The following MAF variants were observed in gnomAD, a reference collection of about 807,000 sequenced individuals.
MAF encodes transcription factor Maf.
A neutral mutation model predicts 22.0 loss-of-function variants in MAF; 10 were observed. The ratio of observed to expected loss-of-function variants is 0.45; its 90% CI spans 0.28 to 0.77. The LOEUF (loss-of-function observed/expected upper bound fraction) is 0.77. Among genes scored for constraint, MAF ranks in the 30% least tolerant of loss-of-function variants. The pLI is 0.12. For synonymous variants in MAF, 337 were observed against 255.8 expected, an observed-to-expected ratio of 1.32 and a Z score of -3.03; for missense variants, 544 against 548.4, an observed-to-expected ratio of 0.99 and a Z score of 0.08.
the MAF span, among the ~76,000 whole-genome samples, chr16:79,384,545 C>T: frequency 6.6e-6 from 1 of 151,528 alleles, no homozygotes; most frequent in Non-Finnish European, 1.5e-5. Flanking sequence ...ATCACAAGGT[C>T]AGGAGATTGA....
chr16:79,344,408 T>A, the MAF span, among the ~76,000 whole-genome samples: 1 of 152,232 alleles, frequency 6.6e-6, no homozygotes, highest in South Asian at 2.1e-4. Context: ...TAAGCATATA[T>A]CTAATTGTCC....
the MAF span, among the ~76,000 whole-genome samples, chr16:79,317,518 C>T: frequency 2.0e-5 from 3 of 150,204 alleles, no homozygotes; most frequent in Non-Finnish European, 4.4e-5. Context: ...TGCCTCCCTC[C>T]CTCCCTCTCT....
chr16:79,496,672 T>G, the MAF span, among the ~76,000 whole-genome samples: 22 of 152,188 alleles, frequency 1.4e-4, no homozygotes, highest in African/African-American at 5.3e-4. Flanking sequence ...ATTCTTCTCT[T>G]CATAATGCAG....
At chr16:79,491,129 G>T in the MAF span, among the ~76,000 whole-genome samples, 3 of 152,162 alleles carry the variant, frequency 2.0e-5, no homozygotes, top group African/African-American at 4.8e-5. Flanking sequence ...ATAGGATGGG[G>T]TTATTGAGAC....
At chr16:79,584,895 G>T (rs747273757), downstream of MAF, among the ~76,000 whole-genome samples, 2 of 152,158 alleles carry the variant, frequency 1.3e-5, no homozygotes, top group African/African-American at 2.4e-5. Flanking sequence ...TTTTTAAAAA[G>T]TGGGAAAAAA....
chr16:79,370,417 C>G, the MAF span, among the ~76,000 whole-genome samples: 2 of 152,176 alleles, frequency 1.3e-5, no homozygotes, highest in African/African-American at 2.4e-5. Context: ...TCTGGACTCA[C>G]AGAGGTTCTG....
chr16:79,219,842 A>C, the MAF span, among the ~76,000 whole-genome samples: 18 of 152,116 alleles, frequency 1.2e-4, no homozygotes, highest in Non-Finnish European at 2.4e-4. Context: ...TCCATTGGTA[A>C]TTTACCTGAA....
chr16:79,416,339 C>T, the MAF span, among the ~76,000 whole-genome samples: 23 of 152,148 alleles, frequency 1.5e-4, no homozygotes, highest in African/African-American at 5.6e-4. Flanking sequence ...CTGTGACAAG[C>T]TCCATGTCAA....
chr16:79,426,277 A>G, the MAF span, among the ~76,000 whole-genome samples: 63 of 152,302 alleles, frequency 4.1e-4, no homozygotes, highest in Non-Finnish European at 7.6e-4. Flanking sequence ...ACTTGGTAGG[A>G]AAACAGAACC....
At chr16:79,519,635 CG>C in the MAF span, among the ~76,000 whole-genome samples, 4 of 152,174 alleles carry the variant, frequency 2.6e-5, no homozygotes, top group Admixed American at 6.5e-5. Flanking sequence ...GACTGTAGCC[CG>C]GGTGGCCTGG....
the MAF span, among the ~76,000 whole-genome samples, chr16:79,214,080 C>T: frequency 1.3e-5 from 2 of 152,242 alleles, no homozygotes; most frequent in Admixed American, 6.5e-5. Flanking sequence ...AACCAGCATG[C>T]CTTTCTTCCT....
At chr16:79,307,929 C>G in the MAF span, among the ~76,000 whole-genome samples, 1 of 152,228 alleles carries the variant, frequency 6.6e-6, no homozygotes, top group East Asian at 1.9e-4. Context: ...CTTTGACTCA[C>G]TCATCTTTGA....
the MAF span, among the ~76,000 whole-genome samples, chr16:79,245,796 T>C: frequency 4.6e-5 from 7 of 152,054 alleles, no homozygotes; most frequent in Admixed American, 1.3e-4. Flanking sequence ...AGCAAAGACT[T>C]GGAACCAACC....
At chr16:79,524,032 G>A in the MAF span, among the ~76,000 whole-genome samples, 1 of 152,074 alleles carries the variant, frequency 6.6e-6, no homozygotes, top group Non-Finnish European at 1.5e-5. Context: ...CACCTCTCCC[G>A]GAGATATCTG....
At position 79,598,571 on chromosome 16, in the gene MAF, C is replaced by T. The variant is rs1416638899; in HGVS notation, c.1118+214G>A. The T allele has an allele frequency of 2.9e-6, 4 of 1,396,974 alleles. No individual in the cohort carries two copies. In the African/African-American group the frequency reaches 5.0e-5, roughly 17 times the overall value. The allele number at this position is 1,396,974 out of a possible 1,614,324, so 86.5% of individuals were successfully genotyped here. A position where few individuals can be genotyped will look rare whatever the true frequency, so the allele number is the denominator to read the frequency against. On this transcript the variant is annotated intron_variant, in intron 1 of 1. Transcript: ENST00000326043. ...CAGCCACCACCACCACAAACTCGAGCAGGGTGTGGGGTGTGTGTGTGTGTG... is the reference window on the plus strand; with the variant it reads ...CAGCCACCACCACCACAAACTCGAGTAGGGTGTGGGGTGTGTGTGTGTGTG...
the MAF span, among the ~76,000 whole-genome samples, chr16:79,257,769 A>G: frequency 2.0e-5 from 3 of 152,350 alleles, no homozygotes; most frequent in African/African-American, 7.2e-5. Context: ...AGCTAGAATC[A>G]TGTTCAAGAA....
At chr16:79,467,586 AGTG>A in the MAF span, among the ~76,000 whole-genome samples, 2 of 152,290 alleles carry the variant, frequency 1.3e-5, no homozygotes, top group South Asian at 4.1e-4. Flanking sequence ...CCTCCAAGTC[AGTG>A]GTTCTCAGAA....
chr16:79,471,180 T>G, the MAF span, among the ~76,000 whole-genome samples: 1 of 152,184 alleles, frequency 6.6e-6, no homozygotes, highest in Non-Finnish European at 1.5e-5. Context: ...CAGGGTAAGA[T>G]GGAGAGGCAG....
the MAF span, among the ~76,000 whole-genome samples, chr16:79,489,738 G>C: frequency 1.8e-4 from 27 of 152,348 alleles, no homozygotes; most frequent in Non-Finnish European, 3.4e-4. Flanking sequence ...CAAAGCTTCA[G>C]GGTACGGAAA....
Sources: gnomAD v4.1 joint callset for allele counts (sites outside exome capture counted in the v4.1 genomes callset) on GRCh38, gnomAD v4.1.1 for gene constraint, MANE v1.5 for transcripts, NCBI Gene and HGNC (gene_info 2026-07-23, HGNC 2026-07-21) for gene names.